The following IQCM variants were observed in gnomAD, a reference collection of about 807,000 sequenced individuals.
The protein encoded by IQCM is IQ domain-containing protein M.
Under a neutral mutation model 57.6 loss-of-function variants are expected in IQCM, and 45 were observed. The ratio of observed to expected loss-of-function variants is 0.78; its 90% CI spans 0.62 to 1.00. The LOEUF is 1.00. Ranked by LOEUF, IQCM falls within the 50% of genes least tolerant of loss-of-function variation. IQCM has a pLI of 0.00. For synonymous variants in IQCM, 148 were observed against 158.9 expected (o/e 0.93, Z 0.51); for missense variants, 468 against 511.6 (o/e 0.91, Z 0.82).
intron 5 of IQCM, among the ~76,000 whole-genome samples, chr4:149,732,151 A>T (rs904972753): frequency 6.6e-6 from 1 of 152,100 alleles, no homozygotes; most frequent in Non-Finnish European, 1.5e-5. Context: ...TGAAATCATC[A>T]TGTCTTTCCA....
At chr4:149,582,405 GAA>G (rs1240491014) in intron 9 of IQCM, among the ~76,000 whole-genome samples, 1 of 119,302 alleles carries the variant, frequency 8.4e-6, no homozygotes, top group East Asian at 2.5e-4. Context: ...AATCAGAAAA[GAA>G]AAAGTTGATA....
chr4:149,354,376 A>AG (rs1728799484), intron 13 of IQCM, among the ~76,000 whole-genome samples: 1 of 117,210 alleles, frequency 8.5e-6, no homozygotes, highest in Non-Finnish European at 2.0e-5. Flanking sequence ...AAAAAAAAAA[A>AG]AAAAAAAAAA....
At chr4:149,734,035 GCTT>G (rs1561213500) in intron 4 of IQCM, among the ~76,000 whole-genome samples, 1 of 151,886 alleles carries the variant, frequency 6.6e-6, no homozygotes, top group Non-Finnish European at 1.5e-5. Context: ...AATCATAATT[GCTT>G]CTTTATTTTG....
intron 2 of IQCM, among the ~76,000 whole-genome samples, chr4:149,778,665 G>T (rs572837364): frequency 3.7e-4 from 56 of 151,790 alleles, no homozygotes; most frequent in African/African-American, 1.3e-3. Flanking sequence ...AAATGAAATG[G>T]GTATCACTAC....
intron 12 of IQCM, among the ~76,000 whole-genome samples, chr4:149,479,591 C>T (rs911421985): frequency 6.6e-6 from 1 of 152,190 alleles, no homozygotes; most frequent in Non-Finnish European, 1.5e-5. Context: ...AGTGGCAAAG[C>T]CACATTAAGA....
intron 8 of IQCM, among the ~76,000 whole-genome samples, chr4:149,590,865 G>C (rs1753093580): frequency 6.6e-6 from 1 of 151,944 alleles, no homozygotes; most frequent in Non-Finnish European, 1.5e-5. Context: ...TGGGCATTTG[G>C]GTTGGTTCCA....
intron 6 of IQCM, 55 bp downstream of exon 6, chr4:149,686,323 T>C (rs958415607): frequency 2.4e-6 from 2 of 848,012 alleles, no homozygotes; most frequent in Non-Finnish European, 3.1e-6. Flanking sequence ...TCAGGGAATA[T>C]TGGCAAAGTA....
chr4:149,756,908 C>T (rs1236959859), intron 2 of IQCM, among the ~76,000 whole-genome samples: 1 of 152,208 alleles, frequency 6.6e-6, no homozygotes, highest in Non-Finnish European at 1.5e-5. Flanking sequence ...TAATGTATAA[C>T]TCCCAAACTA....
intron 12 of IQCM, among the ~76,000 whole-genome samples, chr4:149,478,738 A>C (rs183286646): frequency 4.6e-5 from 7 of 152,234 alleles, no homozygotes; most frequent in Admixed American, 3.9e-4. Context: ...GTACATGAGA[A>C]TCTACAAGAG....
chr4:149,526,685 G>A (rs1196189859), intron 12 of IQCM, among the ~76,000 whole-genome samples: 2 of 151,882 alleles, frequency 1.3e-5, no homozygotes, highest in African/African-American at 4.8e-5. Context: ...AAAATGAGCT[G>A]ATATTGTTTT....
intron 12 of IQCM, among the ~76,000 whole-genome samples, chr4:149,452,282 A>G (rs1579104097): frequency 6.6e-6 from 1 of 151,604 alleles, no homozygotes; most frequent in South Asian, 2.1e-4. Flanking sequence ...ATTGATCTAC[A>G]GATTCAATGC....
chr4:149,787,686 C>T (rs1772198462), intron 2 of IQCM, among the ~76,000 whole-genome samples: 1 of 151,938 alleles, frequency 6.6e-6, no homozygotes, highest in Non-Finnish European at 1.5e-5. Context: ...CAAAAATCAA[C>T]CGAAGCTAGA....
At chr4:149,394,629 G>A (rs1732098479) in intron 13 of IQCM, among the ~76,000 whole-genome samples, 3 of 151,806 alleles carry the variant, frequency 2.0e-5, no homozygotes, top group African/African-American at 7.3e-5. Flanking sequence ...CAGTCTCTAT[G>A]GCCTCCAGGG....
intron 9 of IQCM, among the ~76,000 whole-genome samples, chr4:149,566,029 T>C (rs959256682): frequency 3.9e-5 from 6 of 152,226 alleles, no homozygotes; most frequent in Admixed American, 2.6e-4. Context: ...CAAAGTTTTG[T>C]ATTTGTTTGT....
chr4:149,641,303 T>A (rs906691266), intron 7 of IQCM, among the ~76,000 whole-genome samples: 1 of 152,200 alleles, frequency 6.6e-6, no homozygotes, highest in Non-Finnish European at 1.5e-5. Context: ...GAAATTACTT[T>A]TAAAAGACCC....
intron 13 of IQCM, among the ~76,000 whole-genome samples, chr4:149,394,094 C>T (rs2111098848): frequency 6.6e-6 from 1 of 152,064 alleles, no homozygotes; most frequent in East Asian, 1.9e-4. Context: ...GCCATACTTA[C>T]TTCAATTTAT....
In IQCM at chr4:149,417,871, G is replaced by T. The variant is rs1286257564; in HGVS notation, c.1390+15525C>A. On this transcript the variant is annotated intron_variant, in intron 13 of 13. Coordinates refer to ENST00000636793, the MANE Select transcript of IQCM (RefSeq NM_001363507.2). ...TTGAAGTTTGTAAAAATAGCCACTT[G>T]AAGATTGTAGGAATTTATCCACAGC... Among the ~76,000 whole-genome samples, 3 of 143,256 alleles carry T rather than the reference G, an allele frequency of 2.1e-5. No individual in the cohort carries two copies. The Admixed American group carries it at 2.1e-4, about 10-fold the overall frequency. 94.0% of individuals were successfully genotyped at this position (143,256 alleles called of 152,430 possible). A position where few individuals can be genotyped will look rare whatever the true frequency, so the allele number is the denominator to read the frequency against.
chr4:149,469,840 T>G, intron 12 of IQCM, among the ~76,000 whole-genome samples: 1 of 152,084 alleles, frequency 6.6e-6, no homozygotes, highest in Middle Eastern at 3.2e-3. Flanking sequence ...AAGAAAAGAA[T>G]TTTCAACCCA....
At chr4:149,517,911 C>T (rs1032235262) in intron 12 of IQCM, among the ~76,000 whole-genome samples, 2 of 152,034 alleles carry the variant, frequency 1.3e-5, no homozygotes, top group Non-Finnish European at 2.9e-5. Flanking sequence ...TATTGTGGGA[C>T]CTTGTGATTG....
Sources: gnomAD v4.1 joint callset for allele counts (sites outside exome capture counted in the v4.1 genomes callset) on GRCh38, gnomAD v4.1.1 for gene constraint, MANE v1.5 for transcripts, NCBI Gene and HGNC (gene_info 2026-07-23, HGNC 2026-07-21) for gene names.